Variants in FREM2 observed in about 807,000 individuals in gnomAD.
The protein encoded by FREM2 is FRAS1 related extracellular matrix 2.
In FREM2, 119 loss-of-function variants were observed where a neutral mutation model predicts 219.9. The observed-to-expected ratio is 0.54, with a 90% CI of 0.47 to 0.63. The LOEUF is 0.63. FREM2 is among the 30% of genes least tolerant of loss of function. The pLI, the probability that FREM2 is intolerant of heterozygous loss-of-function variation, is 0.00. For synonymous variants in FREM2, 1,562 were observed against 1,522.8 expected (o/e 1.03, Z -0.60); for missense variants, 4,030 against 3,993.6 (o/e 1.01, Z -0.25).
At chr13:38,770,011 A>G (rs1873595615) in intron 4 of FREM2, among the ~76,000 whole-genome samples, 1 of 148,684 alleles carries the variant, frequency 6.7e-6, no homozygotes, top group African/African-American at 2.4e-5. Flanking sequence ...ATATATGTAT[A>G]ATATGTATAA....
intron 11 of FREM2, among the ~76,000 whole-genome samples, chr13:38,853,478 A>G (rs1273599534): frequency 6.6e-6 from 1 of 152,208 alleles, no homozygotes; most frequent in Non-Finnish European, 1.5e-5. Context: ...ACCTCTCACT[A>G]TCAAGAGTCA....
At chr13:38,819,075 A>C (rs988142752) in intron 6 of FREM2, among the ~76,000 whole-genome samples, 2 of 152,172 alleles carry the variant, frequency 1.3e-5, no homozygotes, top group African/African-American at 4.8e-5. Context: ...CAAATTTAAA[A>C]ACAAAGAAGA....
At chr13:38,870,841 C>T (rs997084060) in intron 16 of FREM2, among the ~76,000 whole-genome samples, 1 of 152,108 alleles carries the variant, frequency 6.6e-6, no homozygotes, top group Non-Finnish European at 1.5e-5. Flanking sequence ...ATAGCATACT[C>T]AGTAACATTT....
At chr13:38,850,850 G>T in intron 9 of FREM2, 94 bp from the exon 10 acceptor site, 1 of 1,410,246 alleles carries the variant, frequency 7.1e-7, no homozygotes, top group Non-Finnish European at 9.9e-7. Flanking sequence ...GATACAGCAG[G>T]GAAAATCAAC....
rs1870724017 is a variant in FREM2 at position 38,710,413 on chromosome 13, T to C, written c.5263+12626T>C. ...GTGAATCTATGTACTTCAGGACCAA[T>C]GAGAAGAGAGCTCTTCTAGGCATTT... On this transcript the variant is annotated intron_variant, in intron 2 of 23. Coordinates refer to ENST00000280481, the MANE Select transcript of FREM2 (RefSeq NM_207361.6). 2.6e-5 allele frequency among the ~76,000 whole-genome samples: 4 copies of C among 152,224 alleles called. No individual in the cohort carries two copies. The South Asian group carries it at 8.3e-4, about 32-fold the overall frequency.
intron 6 of FREM2, among the ~76,000 whole-genome samples, chr13:38,791,135 T>C (rs2072560049): frequency 6.6e-6 from 1 of 152,178 alleles, no homozygotes; most frequent in East Asian, 1.9e-4. Flanking sequence ...TCAACAAATT[T>C]AATTTGGAAC....
intron 6 of FREM2, among the ~76,000 whole-genome samples, chr13:38,806,489 C>T (rs1043394062): frequency 6.6e-6 from 1 of 151,900 alleles, no homozygotes; most frequent in Admixed American, 6.6e-5. Flanking sequence ...TTTTCATTTT[C>T]CCCGGCATGT....
intron 2 of FREM2, among the ~76,000 whole-genome samples, chr13:38,713,516 G>T (rs1456142505): frequency 6.6e-6 from 1 of 152,100 alleles, no homozygotes; most frequent in African/African-American, 2.4e-5. Flanking sequence ...CTACTGATTA[G>T]ATTGTGTTAT....
chr13:38,824,146 G>T (rs868350143), intron 6 of FREM2, among the ~76,000 whole-genome samples: 1 of 152,072 alleles, frequency 6.6e-6, no homozygotes, highest in South Asian at 2.1e-4. Flanking sequence ...TTGTGGGAAA[G>T]ATATGTTATG....
chr13:38,726,864 G>A (rs567638477), intron 2 of FREM2, among the ~76,000 whole-genome samples: 28 of 152,134 alleles, frequency 1.8e-4, no homozygotes, highest in Non-Finnish European at 3.2e-4. Flanking sequence ...TACAGCTGTT[G>A]CTGCACCTTA....
At chr13:38,720,201 A>T (rs528798942) in intron 2 of FREM2, among the ~76,000 whole-genome samples, 200 of 152,300 alleles carry the variant, frequency 1.3e-3, no homozygotes, top group Non-Finnish European at 2.5e-3. Flanking sequence ...ACATGTACAA[A>T]CAGTACTGTG....
chr13:38,783,972 G>A (rs192732389), intron 5 of FREM2, among the ~76,000 whole-genome samples: 84 of 152,348 alleles, frequency 5.5e-4, no homozygotes, highest in African/African-American at 1.8e-3. Flanking sequence ...GCGCGCACGC[G>A]CCTGTAATCT....
Position 38,864,458 on chromosome 13 carries a change from A to G in FREM2, c.7835A>G (p.Tyr2612Cys). The G allele has an allele frequency of 6.2e-7, 1 of 1,614,176 alleles. No homozygotes were observed. The highest frequency in any genetic ancestry group is 8.5e-7 in the Non-Finnish European group (1 of 1,180,014). Residue 2612 changes from tyrosine (Y) to cysteine (C), a missense_variant, in exon 16 of 24, where the codon TAC becomes TGC. By Grantham distance (194) the Tyr-to-Cys change is radical (BLOSUM62 -2). This residue lies in a region of FREM2 where 928 missense variants were observed against 1,042.9 expected (regional missense o/e 0.89). Transcript: ENST00000280481. ...NPEIIGETYP[Y>C]QYSLSIRGST... ...GAAATAATTGGAGAGACATATCCTT[A>G]CCAGTACAGCTTGTCCATCAGAGGT...
At chr13:38,725,454 A>G (rs1871477539) in intron 2 of FREM2, among the ~76,000 whole-genome samples, 1 of 152,242 alleles carries the variant, frequency 6.6e-6, no homozygotes, top group African/African-American at 2.4e-5. Context: ...AGCATGGTCA[A>G]AGAAAGCGCC....
intron 6 of FREM2, among the ~76,000 whole-genome samples, chr13:38,833,987 T>A (rs1876610192): frequency 6.6e-6 from 1 of 152,064 alleles, no homozygotes; most frequent in African/African-American, 2.4e-5. Flanking sequence ...GAGGAAAAAA[T>A]TTCAAAGCTA....
At chr13:38,781,615 C>G (rs1874120793) in intron 4 of FREM2, among the ~76,000 whole-genome samples, 1 of 152,082 alleles carries the variant, frequency 6.6e-6, no homozygotes, top group Non-Finnish European at 1.5e-5. Context: ...TAATTAGTTA[C>G]AAAATCTTAT....
In FREM2 at chr13:38,762,126, G is replaced by A. The variant is rs963656451; in HGVS notation, c.5264-2178G>A. Among the ~76,000 whole-genome samples, 5 of 152,312 alleles carry A rather than the reference G, an allele frequency of 3.3e-5. 1 individual carries two copies. The South Asian group carries it at 1.0e-3, about 32-fold the overall frequency. On this transcript the variant is annotated intron_variant, in intron 2 of 23. Coordinates refer to ENST00000280481, the MANE Select transcript of FREM2 (RefSeq NM_207361.6). ...CTATTGACCTCAGAGCACTGTGTGT[G>A]TGTATGGGTTACCTGAGTCGATCTT...
intron 2 of FREM2, among the ~76,000 whole-genome samples, chr13:38,746,577 A>C (rs1171407109): frequency 6.6e-6 from 1 of 152,132 alleles, no homozygotes; most frequent in Non-Finnish European, 1.5e-5. Flanking sequence ...CCATGATTAA[A>C]ATTTTCTCTT....
At chr13:38,761,925 T>A (rs547246271) in intron 2 of FREM2, among the ~76,000 whole-genome samples, 6 of 152,018 alleles carry the variant, frequency 3.9e-5, no homozygotes, top group Admixed American at 3.3e-4. Context: ...AACCTGGAAA[T>A]CTGCAAAGAA....
Sources: allele counts gnomAD v4.1 joint callset (sites outside exome capture counted in the v4.1 genomes callset), GRCh38; gene constraint gnomAD v4.1.1; regional missense constraint gnomAD v4.1.1; transcripts MANE v1.5; gene names NCBI Gene and HGNC (gene_info 2026-07-23, HGNC 2026-07-21).